Variants in BLTP2 observed in about 807,000 individuals in gnomAD.
The protein encoded by BLTP2 is U937-associated antigen.
At chr17:28,621,609 T>C in the BLTP2 span, 1 of 745,508 alleles carries the variant, frequency 1.3e-6, no homozygotes, top group Non-Finnish European at 2.4e-6. Flanking sequence ...TATCTGGACC[T>C]CCACTGCATG....
chr17:28,642,203 G>C, the BLTP2 span: 9 of 1,584,190 alleles, frequency 5.7e-6, no homozygotes, highest in South Asian at 9.9e-5. Flanking sequence ...AACCTAGGAT[G>C]TAAGCCCTAA....
the BLTP2 span, chr17:28,621,116 G>A: frequency 6.2e-6 from 10 of 1,614,170 alleles, no homozygotes; most frequent in East Asian, 2.2e-5. Flanking sequence ...GTTGCAACGC[G>A]AAATGATCCG....
chr17:28,626,021 C>T, the BLTP2 span, among the ~76,000 whole-genome samples: 1 of 152,212 alleles, frequency 6.6e-6, no homozygotes, highest in Admixed American at 6.5e-5. Flanking sequence ...CCTCGGCCTC[C>T]CAAAGTGCTG....
the BLTP2 span, among the ~76,000 whole-genome samples, chr17:28,626,732 A>G: frequency 2.6e-5 from 4 of 152,262 alleles, no homozygotes; most frequent in Non-Finnish European, 5.9e-5. Context: ...CCTGGGGCAT[A>G]GCATGCCTGC....
the BLTP2 span, chr17:28,621,467 C>A: frequency 6.2e-7 from 1 of 1,614,216 alleles, no homozygotes; most frequent in Non-Finnish European, 8.5e-7. Context: ...AGAGTCCAGA[C>A]TACGCTGCCG....
chr17:28,625,413 C>G, the BLTP2 span, among the ~76,000 whole-genome samples: 1 of 128,262 alleles, frequency 7.8e-6, no homozygotes, highest in South Asian at 2.9e-4. Context: ...TAAAAATATT[C>G]TCTTACCTCT....
At chr17:28,641,682 G>C in the BLTP2 span, among the ~76,000 whole-genome samples, 1 of 151,144 alleles carries the variant, frequency 6.6e-6, no homozygotes, top group Non-Finnish European at 1.5e-5. Flanking sequence ...CCATAGTACA[G>C]GTCTAACTCA....
the BLTP2 span, among the ~76,000 whole-genome samples, chr17:28,623,546 G>GA: frequency 3.3e-5 from 5 of 150,324 alleles, no homozygotes; most frequent in Non-Finnish European, 7.4e-5. Context: ...TCTGAGAAAT[G>GA]AGAGTTTCTT....
chr17:28,620,688 C>A, the BLTP2 span: 1 of 1,587,442 alleles, frequency 6.3e-7, no homozygotes, highest in Non-Finnish European at 8.6e-7. Context: ...ATATCTACTC[C>A]ATCTCTTAAC....
At chr17:28,616,770 T>A in the BLTP2 span, 5 of 1,613,852 alleles carry the variant, frequency 3.1e-6, no homozygotes, top group Non-Finnish European at 4.2e-6. This position sits in a 1 kb window ranked among gnomAD's most constrained non-coding sequence, Gnocchi z 4.8. Context: ...AGGAAAAAGA[T>A]TCAAGAAGCA....
chr17:28,644,050 G>A, the BLTP2 span: 2 of 1,614,076 alleles, frequency 1.2e-6, no homozygotes, highest in South Asian at 2.2e-5. Context: ...GAGTTTCCCA[G>A]AACTCACCAC....
the BLTP2 span, among the ~76,000 whole-genome samples, chr17:28,630,432 A>G: frequency 2.7e-5 from 4 of 149,318 alleles, no homozygotes; most frequent in Non-Finnish European, 5.9e-5. Context: ...TGTTGGGATT[A>G]CAGGCATGAG....
chr17:28,639,962 G>C, the BLTP2 span: 1 of 1,614,078 alleles, frequency 6.2e-7, no homozygotes, highest in Non-Finnish European at 8.5e-7. Context: ...AGCTTCGAAG[G>C]GGCAGCTGAT....
the BLTP2 span, among the ~76,000 whole-genome samples, chr17:28,617,570 C>T: frequency 6.6e-5 from 10 of 152,314 alleles, no homozygotes; most frequent in South Asian, 2.1e-4. Flanking sequence ...CATTTCCAAA[C>T]GCCTCTGGTA....
At chr17:28,628,743 G>A in the BLTP2 span, among the ~76,000 whole-genome samples, 1 of 152,104 alleles carries the variant, frequency 6.6e-6, no homozygotes, top group African/African-American at 2.4e-5. Context: ...GACCAGCCTG[G>A]CCAACCTGGT....
the BLTP2 span, chr17:28,639,231 A>G: frequency 7.1e-7 from 1 of 1,413,578 alleles, no homozygotes; most frequent in Non-Finnish European, 1.0e-6. Context: ...CCAAATACAT[A>G]TTTAACACAG....
At chr17:28,619,369 G>A in the BLTP2 span, among the ~76,000 whole-genome samples, 8 of 151,982 alleles carry the variant, frequency 5.3e-5, no homozygotes, top group South Asian at 8.3e-4. Flanking sequence ...CCCAGCTCAC[G>A]CCTGTAATCC....
chr17:28,616,307 GA>G, the BLTP2 span: 3 of 1,609,814 alleles, frequency 1.9e-6, no homozygotes, highest in Non-Finnish European at 2.5e-6. The surrounding 1 kb of genome is among the most constrained non-coding windows in gnomAD (Gnocchi z 4.8). Context: ...GGAAACCGAA[GA>G]AATCCCAAGC....
chr17:28,642,846 A>T, the BLTP2 span: 2 of 1,336,558 alleles, frequency 1.5e-6, no homozygotes, highest in Admixed American at 3.4e-5. Context: ...GGACGGCTAG[A>T]TCCTCTGCTC....
Sources: gnomAD v4.1 joint callset for allele counts (sites outside exome capture counted in the v4.1 genomes callset) on GRCh38, gnomAD v4.1.1 for gene constraint, Gnocchi (gnomAD v3.1) non-coding constraint, MANE v1.5 for transcripts, NCBI Gene and HGNC (gene_info 2026-07-23, HGNC 2026-07-21) for gene names.